ASTN2: variants seen among roughly 807,000 people sequenced by gnomAD.
ASTN2 encodes astrotactin-2.
Under a neutral mutation model 139.8 loss-of-function variants are expected in ASTN2, and 54 were observed. The observed-to-expected ratio is 0.39, with a 90% confidence interval of 0.31 to 0.48. The LOEUF (loss-of-function observed/expected upper bound fraction) is 0.48, where lower values mean the gene tolerates loss of function less well. Among genes scored for constraint, ASTN2 ranks in the 20% least tolerant of loss-of-function variants. The pLI is 0.95. For missense variants in ASTN2, 1,565 were observed against 1,725.1 expected, an observed-to-expected ratio of 0.91 and a Z score of 1.64; for synonymous variants, 756 against 719.5, an observed-to-expected ratio of 1.05 and a Z score of -0.81.
chr9:116,751,582 G>T (rs545947342), intron 13 of ASTN2, among the ~76,000 whole-genome samples: 1 of 151,582 alleles, frequency 6.6e-6, no homozygotes, highest in East Asian at 1.9e-4. Context: ...TGTGATTTAG[G>T]GTTTAAAAAA....
intron 19 of ASTN2, among the ~76,000 whole-genome samples, chr9:116,530,568 C>A (rs1851300416): frequency 6.6e-6 from 1 of 151,952 alleles, no homozygotes; most frequent in Non-Finnish European, 1.5e-5. Flanking sequence ...ATACATATAT[C>A]AAATATCATG....
At chr9:116,676,318 T>C (rs1859496811) in intron 16 of ASTN2, among the ~76,000 whole-genome samples, 1 of 152,224 alleles carries the variant, frequency 6.6e-6, no homozygotes, top group Non-Finnish European at 1.5e-5. Flanking sequence ...TTTGTGAGAC[T>C]AGTCTTAGGC....
intron 2 of ASTN2, among the ~76,000 whole-genome samples, chr9:117,255,145 T>A (rs1346576205): frequency 6.6e-6 from 1 of 152,226 alleles, no homozygotes; most frequent in Non-Finnish European, 1.5e-5. Context: ...CAGTGAGGAC[T>A]ATTTAGAGTT....
At chr9:117,113,605 G>A (rs1160268633) in intron 4 of ASTN2, among the ~76,000 whole-genome samples, 6 of 152,070 alleles carry the variant, frequency 3.9e-5, no homozygotes, top group East Asian at 3.9e-4. Flanking sequence ...GCAGTGAGCC[G>A]AGATCGCACC....
chr9:116,454,332 T>C (rs943411773), intron 20 of ASTN2, among the ~76,000 whole-genome samples: 4 of 152,164 alleles, frequency 2.6e-5, no homozygotes, highest in African/African-American at 4.8e-5. Flanking sequence ...TAGAGATATC[T>C]ATTTTTACCC....
At chr9:117,228,881 G>T (rs1002898848) in intron 2 of ASTN2, among the ~76,000 whole-genome samples, 1 of 152,058 alleles carries the variant, frequency 6.6e-6, no homozygotes, top group Non-Finnish European at 1.5e-5. Context: ...CAGGCATGGT[G>T]GCACGTGCCT....
At chr9:116,667,932 C>T (rs1008846593) in intron 16 of ASTN2, among the ~76,000 whole-genome samples, 8 of 149,158 alleles carry the variant, frequency 5.4e-5, no homozygotes, top group Non-Finnish European at 1.2e-4. Context: ...CACTTGAAGT[C>T]CAAAATTTAT....
intron 10 of ASTN2, among the ~76,000 whole-genome samples, chr9:116,958,043 A>G (rs1319701813): frequency 6.6e-6 from 1 of 152,210 alleles, no homozygotes; most frequent in African/African-American, 2.4e-5. Flanking sequence ...TTCTCAGTGC[A>G]TATCAGGAAG....
intron 10 of ASTN2, among the ~76,000 whole-genome samples, chr9:116,915,450 G>A (rs1396273178): frequency 1.3e-5 from 2 of 152,104 alleles, no homozygotes; most frequent in African/African-American, 4.8e-5. Context: ...AGCATATTTT[G>A]TTTTAATGAG....
At chr9:116,586,601 G>A (rs1039830521) in intron 19 of ASTN2, among the ~76,000 whole-genome samples, 4 of 152,026 alleles carry the variant, frequency 2.6e-5, no homozygotes, top group African/African-American at 9.7e-5. Context: ...GAGTACCCAT[G>A]GGCATAAAGA....
intron 1 of ASTN2, among the ~76,000 whole-genome samples, chr9:117,327,672 A>C (rs759059796): frequency 1.7e-4 from 26 of 152,202 alleles, no homozygotes; most frequent in Non-Finnish European, 3.2e-4. Flanking sequence ...AGAAGCTTGA[A>C]TAGCAGCTTG....
intron 6 of ASTN2, among the ~76,000 whole-genome samples, chr9:117,010,537 C>T (rs1174590088): frequency 6.6e-6 from 1 of 152,132 alleles, no homozygotes; most frequent in East Asian, 1.9e-4. Flanking sequence ...TTTAACTTAC[C>T]AGCTCTGCAA....
At chr9:117,307,664 C>A (rs1158074708) in intron 1 of ASTN2, among the ~76,000 whole-genome samples, 1 of 152,194 alleles carries the variant, frequency 6.6e-6, no homozygotes, top group Non-Finnish European at 1.5e-5. Context: ...AGGCACATGG[C>A]CACCTTCATG....
chr9:117,213,358 T>C (rs372020558), intron 3 of ASTN2, among the ~76,000 whole-genome samples: 1 of 152,258 alleles, frequency 6.6e-6, no homozygotes, highest in East Asian at 1.9e-4. Context: ...AAATTACAGC[T>C]AGATAGGTGT....
chr9:116,632,187 A>AGAGAGAGAGG (rs1856801682), intron 17 of ASTN2, among the ~76,000 whole-genome samples: 26 of 35,926 alleles, frequency 7.2e-4, no homozygotes, highest in Admixed American at 1.2e-3. Context: ...AGAGAGAGGG[A>AGAGAGAGAGG]GAGAGAGAGA....
At chr9:116,744,467 A>T (rs1490762093) in intron 13 of ASTN2, among the ~76,000 whole-genome samples, 1 of 152,192 alleles carries the variant, frequency 6.6e-6, no homozygotes, top group Non-Finnish European at 1.5e-5. Flanking sequence ...GACTGAAAAA[A>T]GGCTGGAAGG....
At position 116,539,171 on chromosome 9, in the gene ASTN2, T is replaced by C. The variant is rs370100466; in HGVS notation, c.3356-51671A>G. On this transcript the variant is annotated intron_variant, in intron 19 of 22. Transcript: ENST00000313400. ...ACAAAGACAGAAGGTAGGTTAGTGGTTGCATAGGGTTGAGGAAATAAGGGG... is the reference window on the plus strand; with the variant it reads ...ACAAAGACAGAAGGTAGGTTAGTGGCTGCATAGGGTTGAGGAAATAAGGGG... Among the ~76,000 whole-genome samples, 10 of 152,248 alleles carry C rather than the reference T, an allele frequency of 6.6e-5. No homozygotes were observed. In the South Asian group the frequency reaches 1.0e-3, roughly 16 times the overall value.
intron 16 of ASTN2, among the ~76,000 whole-genome samples, chr9:116,684,634 A>G (rs551292227): frequency 4.1e-4 from 62 of 152,290 alleles, no homozygotes; most frequent in African/African-American, 1.4e-3. Flanking sequence ...GCCCAGCCAG[A>G]CCTGCATGAG....
intron 7 of ASTN2, among the ~76,000 whole-genome samples, chr9:116,995,887 T>C (rs758716095): frequency 6.6e-6 from 1 of 152,186 alleles, no homozygotes; most frequent in African/African-American, 2.4e-5. Flanking sequence ...GTAACCCAGG[T>C]TGGATTGCAG....
Sources: allele counts gnomAD v4.1 joint callset (sites outside exome capture counted in the v4.1 genomes callset), GRCh38; gene constraint gnomAD v4.1.1; transcripts MANE v1.5; gene names NCBI Gene and HGNC (gene_info 2026-07-23, HGNC 2026-07-21).